DLGAP2: variants seen among roughly 807,000 people sequenced by gnomAD.
DLGAP2 encodes the protein DLG associated protein 2.
A neutral mutation model predicts 100.3 loss-of-function variants in DLGAP2; 26 were observed. The observed-to-expected ratio is 0.26, with a 90% CI of 0.19 to 0.36. DLGAP2 has a LOEUF of 0.36. DLGAP2 is among the 10% of genes least tolerant of loss of function. DLGAP2 has a pLI of 1.00. For synonymous variants in DLGAP2, 886 were observed against 630.1 expected, an observed-to-expected ratio of 1.41 and a Z score of -6.08; for missense variants, 1,858 against 1,453.2, an observed-to-expected ratio of 1.28 and a Z score of -4.53.
intron 1 of DLGAP2, among the ~76,000 whole-genome samples, chr8:799,990 C>A (rs533261866): frequency 6.6e-6 from 1 of 152,128 alleles, no homozygotes; most frequent in Non-Finnish European, 1.5e-5. Context: ...TAATGAAAGC[C>A]GCAGTGATGG....
At chr8:1,203,900 A>G (rs4735995) in intron 2 of DLGAP2, among the ~76,000 whole-genome samples, 86,157 of 152,066 alleles carry the variant, frequency 0.57, 26,804 homozygotes, top group African/African-American at 0.83. Context: ...CTGTATCAGG[A>G]CTCAGCCTGA....
At position 820,918 on chromosome 8, in the gene DLGAP2, G is replaced by A. The variant is rs1796572149; in HGVS notation, c.18+83093G>A. 3.3e-5 allele frequency among the ~76,000 whole-genome samples: 5 copies of A among 152,302 alleles called. No homozygotes were observed. In the South Asian group the frequency reaches 1.0e-3, roughly 32 times the overall value. On this transcript the variant is annotated intron_variant, in intron 1 of 14. Coordinates refer to ENST00000637795, the MANE Select transcript of DLGAP2 (RefSeq NM_001346810.2). ...TGGAGAAATGTTAATATATTAATAG[G>A]AAGTGGATAAGTCTTGAAGAGCAGA...
intron 2 of DLGAP2, among the ~76,000 whole-genome samples, chr8:1,039,514 G>A (rs1378769885): frequency 2.4e-5 from 3 of 125,164 alleles, no homozygotes; most frequent in African/African-American, 6.2e-5. Context: ...TCGGCTCGGT[G>A]TGCATGTTCA....
At chr8:1,573,446 G>T (rs530193198) in intron 6 of DLGAP2, among the ~76,000 whole-genome samples, 1 of 151,838 alleles carries the variant, frequency 6.6e-6, no homozygotes, top group East Asian at 1.9e-4. Context: ...GGTGAACTGT[G>T]GGGGCATCTA....
rs541507581 is a variant in DLGAP2, at chr8:1,097,328, G to C, written c.74-161523G>C. Among the ~76,000 whole-genome samples the C allele has an allele frequency of 2.2e-4, 29 of 130,398 alleles. 2 individuals carry two copies. In the South Asian group the frequency reaches 4.7e-3, roughly 21 times the overall value. The allele number at this position is 130,398 out of a possible 152,430, so 85.5% of individuals were successfully genotyped here. ...AGGCCTTCACCCTCTGTGGCATGGA[G>C]GGGACCCCTCCAGCGTGAGACCCAC... On this transcript the variant is annotated intron_variant, in intron 2 of 14. Coordinates refer to ENST00000637795, the MANE Select transcript of DLGAP2 (RefSeq NM_001346810.2).
intron 2 of DLGAP2, among the ~76,000 whole-genome samples, chr8:1,163,644 C>T (rs1365421941): frequency 1.3e-5 from 2 of 152,088 alleles, no homozygotes; most frequent in Admixed American, 6.5e-5. Flanking sequence ...AGGCTGCAGG[C>T]GGCCGCCTGG....
intron 4 of DLGAP2, among the ~76,000 whole-genome samples, chr8:1,526,499 G>A (rs1014332660): frequency 2.0e-5 from 3 of 152,074 alleles, no homozygotes; most frequent in East Asian, 3.9e-4. Context: ...TCTTTATTTT[G>A]GAAGCAGATG....
intron 2 of DLGAP2, among the ~76,000 whole-genome samples, chr8:1,174,944 A>G (rs1016667861): frequency 6.9e-6 from 1 of 144,154 alleles, no homozygotes; most frequent in South Asian, 2.3e-4. Flanking sequence ...CCTTCTTATG[A>G]TGATAAGAAA....
chr8:1,427,224 G>C (rs560532528), intron 3 of DLGAP2, among the ~76,000 whole-genome samples: 1 of 152,188 alleles, frequency 6.6e-6, no homozygotes, highest in South Asian at 2.1e-4. Context: ...TACAATTATA[G>C]ATTTCAGTAT....
At chr8:1,591,117 A>G (rs1412836628) in intron 6 of DLGAP2, among the ~76,000 whole-genome samples, 1 of 152,220 alleles carries the variant, frequency 6.6e-6, no homozygotes, top group Non-Finnish European at 1.5e-5. Flanking sequence ...TCTCAGGTGC[A>G]GCCCATGAAG....
intron 1 of DLGAP2, among the ~76,000 whole-genome samples, chr8:799,899 T>G (rs1162672068): frequency 6.6e-6 from 1 of 152,192 alleles, no homozygotes; most frequent in Non-Finnish European, 1.5e-5. Flanking sequence ...TCCCGGCCCC[T>G]CACTTTGAAT....
chr8:841,117 C>A (rs766863115), intron 1 of DLGAP2, among the ~76,000 whole-genome samples: 31 of 152,212 alleles, frequency 2.0e-4, no homozygotes, highest in Non-Finnish European at 2.9e-4. Flanking sequence ...AGCCCTTCAT[C>A]TATTTCATTA....
chr8:821,504 G>C (rs1488309728), intron 1 of DLGAP2, among the ~76,000 whole-genome samples: 1 of 152,034 alleles, frequency 6.6e-6, no homozygotes, highest in Non-Finnish European at 1.5e-5. Context: ...AAAATGAGCT[G>C]GGAATTTTGT....
At chr8:1,650,881 G>A (rs1374270405) in intron 8 of DLGAP2, among the ~76,000 whole-genome samples, 1 of 139,188 alleles carries the variant, frequency 7.2e-6, no homozygotes, top group Non-Finnish European at 1.5e-5. Context: ...GACAGTTGCT[G>A]GAGCAGAGAT....
intron 2 of DLGAP2, among the ~76,000 whole-genome samples, chr8:1,058,498 C>T (rs957932138): frequency 3.3e-5 from 5 of 152,178 alleles, no homozygotes; most frequent in Admixed American, 1.3e-4. Context: ...ATTCTCAGGT[C>T]AGCCTCGAGG....
At chr8:1,565,400 G>T (rs1802356346) in intron 5 of DLGAP2, 4 of 335,786 alleles carry the variant, frequency 1.2e-5, no homozygotes, top group African/African-American at 2.1e-5. Context: ...CCAGTGCTTT[G>T]TCCCAGCTGC....
At chr8:950,580 T>G (rs1465356025) in intron 2 of DLGAP2, among the ~76,000 whole-genome samples, 1 of 151,990 alleles carries the variant, frequency 6.6e-6, no homozygotes, top group African/African-American at 2.4e-5. Context: ...TTCTCACCTT[T>G]CCTTGTAGAA....
intron 2 of DLGAP2, among the ~76,000 whole-genome samples, chr8:1,180,924 A>G (rs1797373704): frequency 7.2e-6 from 1 of 138,400 alleles, no homozygotes; most frequent in Admixed American, 7.3e-5. Context: ...TGGCTGTGCA[A>G]GGGCAGTACA....
chr8:905,067 G>C (rs1036225683), intron 1 of DLGAP2, among the ~76,000 whole-genome samples: 4 of 152,156 alleles, frequency 2.6e-5, no homozygotes, highest in Admixed American at 1.3e-4. Flanking sequence ...CAACGTTAGG[G>C]GTGAGCGCCT....
Sources: gnomAD v4.1 joint callset for allele counts (sites outside exome capture counted in the v4.1 genomes callset) on GRCh38, gnomAD v4.1.1 for gene constraint, MANE v1.5 for transcripts, NCBI Gene and HGNC (gene_info 2026-07-23, HGNC 2026-07-21) for gene names.